The following OTUD7A variants were observed in gnomAD, a reference collection of about 807,000 sequenced individuals.
The protein encoded by OTUD7A is OTU domain-containing protein 7A.
In OTUD7A, 12 loss-of-function variants were observed where a neutral mutation model predicts 65.7. The ratio of observed to expected loss-of-function variants is 0.18; its 90% CI spans 0.12 to 0.30. The LOEUF (loss-of-function observed/expected upper bound fraction) is 0.30, where lower values mean the gene tolerates loss of function less well. OTUD7A is among the 10% of genes least tolerant of loss of function. The pLI, the probability that OTUD7A is intolerant of heterozygous loss-of-function variation, is 1.00. For missense variants in OTUD7A, 1,148 were observed against 1,304.8 expected, an observed-to-expected ratio of 0.88 and a Z score of 1.85; for synonymous variants, 641 against 586.3, an observed-to-expected ratio of 1.09 and a Z score of -1.35.
At chr15:31,716,284 C>T (rs375894874) in intron 1 of OTUD7A, among the ~76,000 whole-genome samples, 50,626 of 62,306 alleles carry the variant, frequency 0.81, 19,860 homozygotes, top group Middle Eastern at 0.98. Flanking sequence ...ATAATACATA[C>T]TACATATTAT....
chr15:31,564,109 TTA>T (rs1888785428), intron 4 of OTUD7A, among the ~76,000 whole-genome samples: 2 of 115,844 alleles, frequency 1.7e-5, no homozygotes, highest in Admixed American at 9.6e-5. Context: ...TAACTTGGGA[TTA>T]AAAAAAATGT....
chr15:31,808,497 T>C (rs1896338770), intron 1 of OTUD7A, among the ~76,000 whole-genome samples: 1 of 152,208 alleles, frequency 6.6e-6, no homozygotes, highest in Admixed American at 6.5e-5. Flanking sequence ...TGTACCGTTG[T>C]TCTTGACACC....
intron 1 of OTUD7A, among the ~76,000 whole-genome samples, chr15:31,739,621 G>A (rs1319703595): frequency 6.6e-6 from 1 of 151,934 alleles, no homozygotes; most frequent in Non-Finnish European, 1.5e-5. Flanking sequence ...GAGACAGAGT[G>A]TCACTCTGTT....
At chr15:31,508,133 G>T (rs2041611604) in intron 8 of OTUD7A, among the ~76,000 whole-genome samples, 1 of 152,038 alleles carries the variant, frequency 6.6e-6, no homozygotes, top group South Asian at 2.1e-4. Flanking sequence ...AATAAGGAAA[G>T]GAAAGGAAGT....
intron 8 of OTUD7A, among the ~76,000 whole-genome samples, chr15:31,522,704 C>A (rs2041954397): frequency 6.6e-6 from 1 of 152,148 alleles, no homozygotes; most frequent in Non-Finnish European, 1.5e-5. Flanking sequence ...CCTCCCCAAG[C>A]CCTAGGGAAG....
chr15:31,532,133 A>C lies in OTUD7A; in HGVS notation c.551-1325T>G, dbSNP rs141739800. On this transcript the variant is annotated intron_variant, in intron 5 of 12. Coordinates refer to ENST00000307050, the MANE Select transcript of OTUD7A (RefSeq NM_001382637.1). The stretch of plus-strand genomic sequence containing the variant: ...ATATATACCCTTTTAAACAAACAAA[A>C]AAAATCACTTATACCAAGAACCAGG... Among the ~76,000 whole-genome samples the C allele has an allele frequency of 3.3e-3, 510 of 152,322 alleles. 4 individuals are homozygous for C. The highest frequency in any genetic ancestry group is 0.012 in the African/African-American group (490 of 41,556).
chr15:31,504,433 C>G (rs2041525704), intron 8 of OTUD7A, among the ~76,000 whole-genome samples: 1 of 152,210 alleles, frequency 6.6e-6, no homozygotes, highest in Non-Finnish European at 1.5e-5. Context: ...GTCTGAGGAT[C>G]AGGGAAACCG....
chr15:31,793,209 C>T (rs544369184), intron 1 of OTUD7A, among the ~76,000 whole-genome samples: 1 of 152,188 alleles, frequency 6.6e-6, no homozygotes, highest in South Asian at 2.1e-4. Context: ...CCTGCCCCTG[C>T]CTGCATCAGC....
intron 3 of OTUD7A, among the ~76,000 whole-genome samples, chr15:31,628,399 T>C (rs1041090525): frequency 4.6e-5 from 7 of 152,228 alleles, no homozygotes; most frequent in African/African-American, 1.7e-4. Flanking sequence ...GATCAGATGG[T>C]TGTAGATATG....
chr15:31,592,699 T>C (rs916445078), intron 3 of OTUD7A, among the ~76,000 whole-genome samples: 1 of 151,150 alleles, frequency 6.6e-6, no homozygotes, highest in Non-Finnish European at 1.5e-5. Flanking sequence ...GCTAACATGG[T>C]GAAACCCCAT....
chr15:31,655,577 C>T (rs889303271), intron 2 of OTUD7A, among the ~76,000 whole-genome samples: 1 of 152,036 alleles, frequency 6.6e-6, no homozygotes, highest in African/African-American at 2.4e-5. Context: ...ATCTATGAAG[C>T]AGGAAATGGG....
chr15:31,539,271 G>A (rs1887909576), intron 5 of OTUD7A, among the ~76,000 whole-genome samples: 1 of 152,076 alleles, frequency 6.6e-6, no homozygotes, highest in Non-Finnish European at 1.5e-5. Context: ...TCTAGGCATA[G>A]CAGGACTTTC....
intron 1 of OTUD7A, among the ~76,000 whole-genome samples, chr15:31,796,208 CTATCT>C (rs1895955095): frequency 7.0e-6 from 1 of 143,538 alleles, no homozygotes; most frequent in African/African-American, 2.8e-5. Flanking sequence ...ATCTATCTAT[CTATCT>C]ATCTATCTAT....
At chr15:31,605,647 T>C (rs1262145658) in intron 3 of OTUD7A, among the ~76,000 whole-genome samples, 1 of 152,208 alleles carries the variant, frequency 6.6e-6, no homozygotes, top group African/African-American at 2.4e-5. Flanking sequence ...AACAAATCGA[T>C]TAAAGCAGAG....
At chr15:31,524,557 C>T (rs1258041166) in intron 8 of OTUD7A, among the ~76,000 whole-genome samples, 1 of 150,976 alleles carries the variant, frequency 6.6e-6, no homozygotes, top group East Asian at 2.0e-4. Flanking sequence ...GTGCTCGCCT[C>T]CCTCCTTCCG....
rs368634482 is a variant in OTUD7A, at chr15:31,595,793, T to G, written c.152-25596A>C. Among the ~76,000 whole-genome samples the G allele has an allele frequency of 9.8e-5, 15 of 152,370 alleles. No individual in the cohort carries two copies. In the South Asian group the frequency reaches 3.1e-3, roughly 32 times the overall value. ...GCCTCCTTCAGGTGTGCCAGGACCCTGTTCCAGGTGGCTGGCTGTAGCACT... is the reference window on the plus strand; with the variant it reads ...GCCTCCTTCAGGTGTGCCAGGACCCGGTTCCAGGTGGCTGGCTGTAGCACT... On this transcript the variant is annotated intron_variant, in intron 3 of 12. Transcript: ENST00000307050.
chr15:31,668,267 C>T (rs1260730938), intron 1 of OTUD7A, among the ~76,000 whole-genome samples: 1 of 152,202 alleles, frequency 6.6e-6, no homozygotes, highest in African/African-American at 2.4e-5. Flanking sequence ...ATCTCTTATT[C>T]CTCAGGAACA....
chr15:31,821,689 C>T lies in OTUD7A; in HGVS notation c.-100+48818G>A, dbSNP rs140700173. On this transcript the variant is annotated intron_variant, in intron 1 of 12. Coordinates refer to ENST00000307050, the MANE Select transcript of OTUD7A (RefSeq NM_001382637.1). ...TATGTTTAATTTTTTGAGCAACTAC[C>T]AAACTATTTCTCAAAGAGCTGTATC... 6.4e-3 allele frequency among the ~76,000 whole-genome samples: 978 copies of T among 152,220 alleles called. 12 individuals are homozygous for T. Among genetic ancestry groups the T allele is most frequent in the African/African-American group, 0.023 (946 of 41,508 alleles).
Position 31,588,014 on chromosome 15 carries a change from C to T in OTUD7A, c.152-17817G>A, listed in dbSNP as rs184274095. On this transcript the variant is annotated intron_variant, in intron 3 of 12. Coordinates refer to ENST00000307050, the MANE Select transcript of OTUD7A (RefSeq NM_001382637.1). ...TGTGTCCTGGCATCCAGCAATCCCACTTGTTGGTATAATCCCTACAGAAAT... is the reference window on the plus strand; with the variant it reads ...TGTGTCCTGGCATCCAGCAATCCCATTTGTTGGTATAATCCCTACAGAAAT... Among the ~76,000 whole-genome samples, 92 of 152,208 alleles carry T rather than the reference C, an allele frequency of 6.0e-4. 1 individual carries two copies. Among genetic ancestry groups the T allele is most frequent in the Middle Eastern group, 6.8e-3 (2 of 294 alleles).
Sources: gnomAD v4.1 joint callset for allele counts (sites outside exome capture counted in the v4.1 genomes callset) on GRCh38, gnomAD v4.1.1 for gene constraint, MANE v1.5 for transcripts, NCBI Gene and HGNC (gene_info 2026-07-23, HGNC 2026-07-21) for gene names.